C2orf76: variants seen among roughly 807,000 people sequenced by gnomAD.
The protein encoded by C2orf76 is chromosome 2 open reading frame 76, also known as UPF0538 protein C2orf76.
Under a neutral mutation model 16.9 loss-of-function variants are expected in C2orf76, and 23 were observed. The observed-to-expected ratio is 1.36, with a 90% CI of 0.98 to 1.93. C2orf76 has a LOEUF of 1.93. C2orf76 is among the 30% of genes most tolerant of loss of function. The pLI is 0.00. For missense variants in C2orf76, 152 were observed against 152.6 expected (o/e 1.00, Z 0.02); for synonymous variants, 48 against 52.3 (o/e 0.92, Z 0.35).
At chr2:119,360,714 G>A (rs1331269586) in intron 1 of C2orf76, among the ~76,000 whole-genome samples, 2 of 152,048 alleles carry the variant, frequency 1.3e-5, no homozygotes, top group African/African-American at 4.8e-5. Flanking sequence ...ATTCATAATA[G>A]CCAAAAAGTG....
At chr2:119,328,450 T>C (rs1679577581) in intron 2 of C2orf76, among the ~76,000 whole-genome samples, 1 of 152,206 alleles carries the variant, frequency 6.6e-6, no homozygotes, top group Non-Finnish European at 1.5e-5. Flanking sequence ...GCAGAAAGTC[T>C]GTAGTGATAT....
intron 1 of C2orf76, among the ~76,000 whole-genome samples, chr2:119,343,524 G>A (rs6755627): frequency 0.083 from 12,529 of 151,236 alleles, 659 homozygotes; most frequent in African/African-American, 0.14. Context: ...ACTGGGAAGC[G>A]CTGGAATGCA....
At chr2:119,362,541 G>T (rs1680777084) in intron 1 of C2orf76, among the ~76,000 whole-genome samples, 1 of 152,220 alleles carries the variant, frequency 6.6e-6, no homozygotes, top group Non-Finnish European at 1.5e-5. Context: ...ATTTAGAAGA[G>T]AATATATAAC....
At chr2:119,337,111 A>G (rs751408860) in intron 2 of C2orf76, among the ~76,000 whole-genome samples, 51 of 150,930 alleles carry the variant, frequency 3.4e-4, no homozygotes, top group Non-Finnish European at 5.9e-4. Context: ...ACTAGAGTGC[A>G]GTAGTGCAAT....
intron 5 of C2orf76, among the ~76,000 whole-genome samples, chr2:119,308,002 G>T (rs1291546704): frequency 2.6e-5 from 4 of 152,048 alleles, no homozygotes; most frequent in African/African-American, 9.7e-5. Context: ...TCTAGAATAG[G>T]TTTCATTATT....
chr2:119,316,291 C>T (rs1007875499), intron 4 of C2orf76, among the ~76,000 whole-genome samples: 10 of 152,158 alleles, frequency 6.6e-5, no homozygotes, highest in African/African-American at 2.4e-4. Flanking sequence ...GCCCCAGACA[C>T]GTGTGAGCAT....
intron 2 of C2orf76, among the ~76,000 whole-genome samples, chr2:119,325,443 G>C (rs1395253792): frequency 2.4e-5 from 3 of 123,734 alleles, no homozygotes; most frequent in African/African-American, 9.6e-5. Flanking sequence ...CTGGGCGACA[G>C]AGCAAGACTG....
At chr2:119,289,062 AAG>A in the C2orf76 span, among the ~76,000 whole-genome samples, 3 of 152,100 alleles carry the variant, frequency 2.0e-5, no homozygotes, top group Admixed American at 1.3e-4. Flanking sequence ...ACATGTTGGA[AAG>A]AGAGGAAGAG....
chr2:119,290,761 C>A, the C2orf76 span, among the ~76,000 whole-genome samples: 1 of 151,982 alleles, frequency 6.6e-6, no homozygotes, highest in Non-Finnish European at 1.5e-5. Flanking sequence ...ACCTGGGAGG[C>A]GGAGGTTGCG....
intron 2 of C2orf76, among the ~76,000 whole-genome samples, chr2:119,323,795 G>A (rs1256492208): frequency 6.6e-6 from 1 of 152,182 alleles, no homozygotes; most frequent in African/African-American, 2.4e-5. Flanking sequence ...AGTCAGTGCT[G>A]ACTGATCACA....
intron 1 of C2orf76, among the ~76,000 whole-genome samples, chr2:119,343,668 C>T (rs2104613021): frequency 6.6e-6 from 1 of 152,264 alleles, no homozygotes; most frequent in Non-Finnish European, 1.5e-5. Flanking sequence ...CGTGGTGGCA[C>T]ATGCCTGTAG....
intron 5 of C2orf76, among the ~76,000 whole-genome samples, chr2:119,310,800 G>A (rs1301546797): frequency 6.6e-6 from 1 of 152,178 alleles, no homozygotes; most frequent in Non-Finnish European, 1.5e-5. Flanking sequence ...CTTGAACCCG[G>A]GAGATGGAGG....
At chr2:119,319,574 C>T (rs903804455) in intron 3 of C2orf76, among the ~76,000 whole-genome samples, 9 of 152,204 alleles carry the variant, frequency 5.9e-5, no homozygotes, top group Non-Finnish European at 1.3e-4. Context: ...GAGCAGCCCA[C>T]ACTGTACAAC....
the C2orf76 span, among the ~76,000 whole-genome samples, chr2:119,286,793 G>C: frequency 1.3e-5 from 2 of 152,154 alleles, no homozygotes; most frequent in Non-Finnish European, 2.9e-5. Flanking sequence ...GATGAGAAAT[G>C]ATGAGGCCCA....
chr2:119,347,659 C>T (rs750556673), intron 1 of C2orf76, among the ~76,000 whole-genome samples: 7 of 151,988 alleles, frequency 4.6e-5, no homozygotes, highest in Non-Finnish European at 1.0e-4. Context: ...ATCACTTAAG[C>T]GCAGGAGTTC....
chr2:119,355,126 C>A (rs1443305547), intron 1 of C2orf76, among the ~76,000 whole-genome samples: 1 of 152,196 alleles, frequency 6.6e-6, no homozygotes, highest in Non-Finnish European at 1.5e-5. Flanking sequence ...GTTGAGTTTT[C>A]CCAAGGGTTG....
At chr2:119,351,575 A>T (rs1680407133) in intron 1 of C2orf76, among the ~76,000 whole-genome samples, 1 of 151,856 alleles carries the variant, frequency 6.6e-6, no homozygotes, top group Non-Finnish European at 1.5e-5. Flanking sequence ...ACATAGCAAG[A>T]CTCTGTCTCT....
downstream of C2orf76, among the ~76,000 whole-genome samples, chr2:119,302,047 A>C (rs1454498855): frequency 6.6e-6 from 1 of 152,172 alleles, no homozygotes; most frequent in Non-Finnish European, 1.5e-5. Flanking sequence ...CAAGAAACTC[A>C]GAATTTCTGG....
intron 1 of C2orf76, among the ~76,000 whole-genome samples, chr2:119,344,356 T>C (rs1680133874): frequency 6.6e-6 from 1 of 152,138 alleles, no homozygotes; most frequent in Admixed American, 6.5e-5. Context: ...AAAAAGTGAA[T>C]CTGATCAATT....
Sources: gnomAD v4.1 joint callset for allele counts (sites outside exome capture counted in the v4.1 genomes callset) on GRCh38, gnomAD v4.1.1 for gene constraint, MANE v1.5 for transcripts, NCBI Gene and HGNC (gene_info 2026-07-23, HGNC 2026-07-21) for gene names.